Variants in TNIK observed in about 807,000 individuals in gnomAD.
TNIK encodes the protein TRAF2 and NCK interacting kinase.
In TNIK, 49 loss-of-function variants were observed where a neutral mutation model predicts 191.3. That is an observed-to-expected ratio of 0.26 (90% CI 0.20 to 0.32). The LOEUF (loss-of-function observed/expected upper bound fraction) is 0.32. TNIK is among the 10% of genes least tolerant of loss of function. The pLI is 1.00. For synonymous variants in TNIK, 594 were observed against 600.9 expected, an observed-to-expected ratio of 0.99 and a Z score of 0.17; for missense variants, 1,155 against 1,702.3, an observed-to-expected ratio of 0.68 and a Z score of 5.66.
rs376617632 is a variant in TNIK, at chr3:171,082,453, G to A, written c.3170-59C>T. 2,296 of 1,563,984 alleles carry A rather than the reference G, an allele frequency of 1.5e-3. 16 individuals carry two copies. The highest frequency in any genetic ancestry group is 0.012 in the South Asian group (947 of 81,552). On this transcript the variant is annotated intron_variant, in intron 26 of 32. Coordinates refer to ENST00000436636, the MANE Select transcript of TNIK (RefSeq NM_015028.4). ...TTCATGAACTTTAATCTTCTGCATC[G>A]AGAGTCCCTATAAAATTTAAGAAAC...
intron 18 of TNIK, among the ~76,000 whole-genome samples, chr3:171,114,827 TAGATTTGGATCCA>T (rs1299959139): frequency 1.3e-5 from 2 of 152,352 alleles, no homozygotes; most frequent in Admixed American, 1.3e-4. Context: ...TTGACTAAAA[TAGATTTGGATCCA>T]TACTGGAAAT....
intron 22 of TNIK, among the ~76,000 whole-genome samples, chr3:171,100,822 TAA>T (rs969908986): frequency 7.6e-6 from 1 of 131,254 alleles, no homozygotes; most frequent in African/African-American, 2.8e-5. Context: ...TGTAAATACA[TAA>T]AAAGAGAACT....
chr3:171,127,725 A>G (rs553307519), intron 16 of TNIK, among the ~76,000 whole-genome samples: 50 of 152,372 alleles, frequency 3.3e-4, no homozygotes, highest in African/African-American at 1.2e-3. Flanking sequence ...AGAGGAAGAT[A>G]TGCCAAGCTG....
intron 12 of TNIK, among the ~76,000 whole-genome samples, chr3:171,145,779 C>CTTTCCTT (rs1731480929): frequency 7.5e-6 from 1 of 133,402 alleles, no homozygotes; most frequent in African/African-American, 2.7e-5. Flanking sequence ...TCAGTCTTTC[C>CTTTCCTT]TTTTTTTTTT....
chr3:171,154,019 A>C (rs949150978), intron 12 of TNIK, among the ~76,000 whole-genome samples: 1 of 152,216 alleles, frequency 6.6e-6, no homozygotes, highest in African/African-American at 2.4e-5. Flanking sequence ...AGAGGTGTTC[A>C]CTGAATATTT....
At chr3:171,374,059 A>G (rs1005294717) in intron 1 of TNIK, among the ~76,000 whole-genome samples, 4 of 152,212 alleles carry the variant, frequency 2.6e-5, no homozygotes, top group African/African-American at 7.2e-5. Flanking sequence ...TAACTGCTAG[A>G]TATAACTATT....
intron 7 of TNIK, among the ~76,000 whole-genome samples, chr3:171,183,616 C>T (rs1024838806): frequency 2.0e-5 from 3 of 152,068 alleles, no homozygotes; most frequent in Non-Finnish European, 4.4e-5. Context: ...GAAACTGTTG[C>T]CTTTTAGGGG....
chr3:171,084,854 A>C (rs1484436007), intron 25 of TNIK, among the ~76,000 whole-genome samples: 1 of 152,200 alleles, frequency 6.6e-6, no homozygotes, highest in Non-Finnish European at 1.5e-5. Flanking sequence ...ATGTTCAGAG[A>C]TCACTGAGGA....
At chr3:171,295,018 A>G (rs566080088) in intron 2 of TNIK, among the ~76,000 whole-genome samples, 10 of 150,822 alleles carry the variant, frequency 6.6e-5, no homozygotes, top group Admixed American at 2.6e-4. Context: ...AGAGAGAGAG[A>G]GAGAGAGAGG....
intron 2 of TNIK, among the ~76,000 whole-genome samples, chr3:171,256,701 T>C (rs992982086): frequency 1.1e-4 from 17 of 152,188 alleles, no homozygotes; most frequent in African/African-American, 3.9e-4. Flanking sequence ...AAGCCATTTA[T>C]TACCACTGGC....
intron 12 of TNIK, among the ~76,000 whole-genome samples, chr3:171,148,348 T>C (rs1439109964): frequency 6.6e-6 from 1 of 152,230 alleles, no homozygotes; most frequent in African/African-American, 2.4e-5. Context: ...CCATGGATGC[T>C]AGTCAATGTG....
At chr3:171,185,176 C>G (rs1737200095) in intron 7 of TNIK, among the ~76,000 whole-genome samples, 1 of 111,650 alleles carries the variant, frequency 9.0e-6, no homozygotes. Context: ...TTATAGATTT[C>G]CCGTGTGTGT....
At chr3:171,243,332 T>G (rs969680533) in intron 2 of TNIK, among the ~76,000 whole-genome samples, 19 of 152,202 alleles carry the variant, frequency 1.2e-4, no homozygotes, top group African/African-American at 4.3e-4. Context: ...GAAATGGATT[T>G]CAGTGCCCTT....
chr3:171,088,109 T>A (rs1387326850), intron 23 of TNIK, among the ~76,000 whole-genome samples: 2 of 152,214 alleles, frequency 1.3e-5, no homozygotes, highest in African/African-American at 4.8e-5. Flanking sequence ...TTTACAACTA[T>A]CATAAATGTT....
chr3:171,246,288 A>T (rs1288156934), intron 2 of TNIK, among the ~76,000 whole-genome samples: 3 of 132,484 alleles, frequency 2.3e-5, no homozygotes, highest in East Asian at 4.6e-4. Context: ...GAACCAGATA[A>T]AAAAAAAAAA....
intron 2 of TNIK, among the ~76,000 whole-genome samples, chr3:171,245,999 A>T (rs894233562): frequency 3.3e-5 from 5 of 152,172 alleles, no homozygotes; most frequent in African/African-American, 1.2e-4. Flanking sequence ...GGCAGCCTTG[A>T]AAACACACAG....
chr3:171,078,520 G>C (rs932605025), intron 28 of TNIK, among the ~76,000 whole-genome samples: 1 of 151,564 alleles, frequency 6.6e-6, no homozygotes, highest in Non-Finnish European at 1.5e-5. Context: ...TTTATAGAAA[G>C]AAGTTTTCTA....
chr3:171,069,078 G>A (rs1718854556), intron 29 of TNIK, 81 bp from the exon 30 acceptor site: 2 of 1,461,266 alleles, frequency 1.4e-6, no homozygotes, highest in Non-Finnish European at 1.8e-6. Flanking sequence ...TCTAGAGGAA[G>A]TTAACTTCTA....
At chr3:171,111,825 C>CA (rs1725897429) in intron 18 of TNIK, among the ~76,000 whole-genome samples, 2 of 152,152 alleles carry the variant, frequency 1.3e-5, no homozygotes, top group South Asian at 4.1e-4. Context: ...CTCAAAAAGA[C>CA]AAATACTACA....
Sources: allele counts gnomAD v4.1 joint callset (sites outside exome capture counted in the v4.1 genomes callset), GRCh38; gene constraint gnomAD v4.1.1; transcripts MANE v1.5; gene names NCBI Gene and HGNC (gene_info 2026-07-23, HGNC 2026-07-21).